Variants in ABR observed in about 807,000 individuals in gnomAD.
The protein encoded by ABR is ABR activator of RhoGEF and GTPase, also known as active breakpoint cluster region-related protein.
Under a neutral mutation model 107.2 loss-of-function variants are expected in ABR, and 35 were observed. The observed-to-expected ratio is 0.33, with a 90% CI of 0.25 to 0.43. The LOEUF (loss-of-function observed/expected upper bound fraction) is 0.43, where lower values mean the gene tolerates loss of function less well. Ranked by LOEUF, ABR falls within the 20% of genes least tolerant of loss-of-function variation. ABR has a pLI of 1.00. For missense variants in ABR, 815 were observed against 1,115.2 expected (o/e 0.73, Z 3.83); for synonymous variants, 498 against 462.0 (o/e 1.08, Z -1.00).
Position 1,078,680 on chromosome 17 carries a change from G to T in ABR, c.700+650C>A. 4 of 923,512 alleles carry T rather than the reference G, an allele frequency of 4.3e-6. No homozygotes were observed. The highest frequency in any genetic ancestry group is 2.5e-5 in the Admixed American group (1 of 39,382). 57.2% of individuals were successfully genotyped at this position (923,512 alleles called of 1,614,324 possible). A position where few individuals can be genotyped will look rare whatever the true frequency, so the allele number is the denominator to read the frequency against. On this transcript the variant is annotated intron_variant, in intron 6 of 22. Coordinates refer to ENST00000302538, the MANE Select transcript of ABR (RefSeq NM_021962.5). This position sits in a 1 kb window ranked among gnomAD's most constrained non-coding sequence, Gnocchi z 7.5. ...GCTGGATGCCGCCAAAACGAAGGGGGAATTCAGGTCCAGCCGCTCGCCCAC... is the reference window on the plus strand; with the variant it reads ...GCTGGATGCCGCCAAAACGAAGGGGTAATTCAGGTCCAGCCGCTCGCCCAC...
At chr17:1,132,630 G>A (rs975962775) in intron 1 of ABR, among the ~76,000 whole-genome samples, 1 of 151,934 alleles carries the variant, frequency 6.6e-6, no homozygotes, top group South Asian at 2.1e-4. Flanking sequence ...ACCCACCTCG[G>A]CCTCCCAAAG....
At chr17:1,194,356 T>TTTTTG (rs1237573833) in intron 1 of ABR, among the ~76,000 whole-genome samples, 2 of 151,484 alleles carry the variant, frequency 1.3e-5, no homozygotes, top group African/African-American at 2.4e-5. Context: ...CCCAGCTATT[T>TTTTTG]TTTTGTTTTG....
rs578069416 is a variant in ABR at position 1,037,678 on chromosome 17, G to A, written c.1791+12372C>T. ...GCCTGCTCCTCCTCCCGGGAAGGAG[G>A]GGGTGTGGCCGGGTCTCCCAGCACA... is the stretch of plus-strand genomic sequence containing the variant. On this transcript the variant is annotated intron_variant, in intron 16 of 22. Coordinates refer to ENST00000302538, the MANE Select transcript of ABR (RefSeq NM_021962.5). The surrounding 1 kb of genome is among the most constrained non-coding windows in gnomAD (Gnocchi z 4.6). Among the ~76,000 whole-genome samples the A allele has an allele frequency of 1.3e-5, 2 of 152,158 alleles. No homozygotes were observed. Among genetic ancestry groups the A allele is most frequent in the Non-Finnish European group, 2.9e-5 (2 of 68,014 alleles).
intron 16 of ABR, among the ~76,000 whole-genome samples, chr17:1,035,333 A>C: frequency 2.7e-5 from 3 of 111,736 alleles, no homozygotes; most frequent in Admixed American, 9.1e-5. Flanking sequence ...TCCATCCCCT[A>C]AACCTGCTCC....
At chr17:1,103,401 T>A (rs931227114) in intron 2 of ABR, among the ~76,000 whole-genome samples, 2 of 152,106 alleles carry the variant, frequency 1.3e-5, no homozygotes, top group African/African-American at 4.8e-5. Context: ...TGGGAACTCA[T>A]CCCCTGTGCT....
chr17:1,110,808 A>G (rs2038629942), intron 2 of ABR, among the ~76,000 whole-genome samples: 1 of 152,192 alleles, frequency 6.6e-6, no homozygotes, highest in African/African-American at 2.4e-5. Context: ...CTGTGCCACC[A>G]GGGTTCAACA....
rs188155784 is a variant in ABR, at chr17:1,227,186, G to A, written c.838+1607C>T. ...AGCGCCGATTTCTAACGTGCATCAA[G>A]GTGCCCTATGTGCTAGAGTGTCCTA... On this transcript the variant is annotated intron_variant, in intron 1 of 22. Coordinates refer to the ABR transcript ENST00000574139. Among the ~76,000 whole-genome samples the A allele has an allele frequency of 5.8e-4, 88 of 152,316 alleles. 1 individual carries two copies. Among genetic ancestry groups the A allele is most frequent in the Middle Eastern group, 3.4e-3 (1 of 294 alleles).
At chr17:1,103,246 C>T (rs867150425) in intron 2 of ABR, among the ~76,000 whole-genome samples, 2 of 152,074 alleles carry the variant, frequency 1.3e-5, no homozygotes, top group African/African-American at 4.8e-5. Context: ...CCTGAGGCAC[C>T]GAGAGTCGGG....
At chr17:1,176,199 C>A (rs140903961) in intron 1 of ABR, among the ~76,000 whole-genome samples, 106 of 152,294 alleles carry the variant, frequency 7.0e-4, no homozygotes, top group African/African-American at 2.5e-3. Flanking sequence ...CCTCAGCTGT[C>A]CCTGCCTGGG....
intron 2 of ABR, among the ~76,000 whole-genome samples, chr17:1,103,839 G>A (rs976697387): frequency 6.6e-6 from 1 of 152,162 alleles, no homozygotes; most frequent in African/African-American, 2.4e-5. Flanking sequence ...GAGACCCGTT[G>A]CTCAGTCACC....
chr17:1,070,016 G>C lies in ABR; in HGVS notation c.969C>G (p.Leu323=). ...TGGCACACAGTAGGACATCTGTAAA[G>C]AGGAAGACGTGCCGCAGCTTCCGGG... ...ESSRKLRHVF[L]FTDVLLCAKL... Residue 323 remains leucine (L), a synonymous_variant, in exon 9 of 23, where the codon CTC becomes CTG. Transcript: ENST00000302538. This position sits in a 1 kb window ranked among gnomAD's most constrained non-coding sequence, Gnocchi z 4.2. 6.2e-7 allele frequency: 1 copy of C among 1,612,546 alleles called. No individual in the cohort carries two copies. The highest frequency in any genetic ancestry group is 8.5e-7 in the Non-Finnish European group (1 of 1,179,370).
upstream of ABR, among the ~76,000 whole-genome samples, chr17:1,187,809 A>T (rs559646433): frequency 2.0e-5 from 3 of 152,040 alleles, no homozygotes; most frequent in South Asian, 2.1e-4. Context: ...CAGGAGAATC[A>T]CTTGAACCTG....
Position 1,218,463 on chromosome 17 carries a change from T to C in ABR, c.838+10330A>G, listed in dbSNP as rs369508453. Among the ~76,000 whole-genome samples, 35 of 152,306 alleles carry C rather than the reference T, an allele frequency of 2.3e-4. No homozygotes were observed. The South Asian group carries it at 7.2e-3, about 32-fold the overall frequency. On this transcript the variant is annotated intron_variant, in intron 1 of 22. Transcript: ENST00000574139. ...ATAGTCTGGAGAGGTTAACAGTTAG[T>C]GGTGAGCTGGAGTAGAGAATAACTT...
At chr17:1,061,290 C>T (rs1270552618) in intron 10 of ABR, among the ~76,000 whole-genome samples, 4 of 152,146 alleles carry the variant, frequency 2.6e-5, no homozygotes, top group Non-Finnish European at 5.9e-5. Context: ...AACAGGCACG[C>T]AGGATGCTCC....
intron 4 of ABR, among the ~76,000 whole-genome samples, chr17:1,087,417 G>T (rs1046671051): frequency 1.3e-5 from 2 of 152,214 alleles, no homozygotes; most frequent in Non-Finnish European, 2.9e-5. Flanking sequence ...GGAGCGGGGG[G>T]CATCTGGAAA....
chr17:1,173,378 C>T (rs543937543), intron 1 of ABR, among the ~76,000 whole-genome samples: 3 of 145,400 alleles, frequency 2.1e-5, no homozygotes, highest in Non-Finnish European at 4.5e-5. Context: ...GCCCACCCCC[C>T]ACACATCACC....
intron 2 of ABR, among the ~76,000 whole-genome samples, chr17:1,107,441 G>A (rs1319490534): frequency 1.3e-5 from 2 of 152,244 alleles, no homozygotes; most frequent in Non-Finnish European, 2.9e-5. Flanking sequence ...GGATATAATT[G>A]CGGAGGCAAA....
Position 1,011,775 on chromosome 17 carries a change from G to A in ABR, c.2101+71C>T. 6.7e-7 allele frequency: 1 copy of A among 1,488,300 alleles called. No individual in the cohort carries two copies. 92.2% of individuals were successfully genotyped at this position (1,488,300 alleles called of 1,614,324 possible). On this transcript the variant is annotated intron_variant, in intron 19 of 22. Coordinates refer to ENST00000302538, the MANE Select transcript of ABR (RefSeq NM_021962.5). This position sits in a 1 kb window ranked among gnomAD's most constrained non-coding sequence, Gnocchi z 4.8. Reference sequence around the variant, plus strand: ...CCAGGGAGGCTCCTGGTTCCCCCGAGCTCTCCTGTCCATCCCACCAGCCTG... The same window carrying A: ...CCAGGGAGGCTCCTGGTTCCCCCGAACTCTCCTGTCCATCCCACCAGCCTG...
chr17:1,099,790 G>A (rs774514243), intron 3 of ABR, among the ~76,000 whole-genome samples: 6 of 152,168 alleles, frequency 3.9e-5, no homozygotes, highest in Non-Finnish European at 7.3e-5. Flanking sequence ...TGTTACCGAG[G>A]GCTGAGCTTG....
Sources: allele counts gnomAD v4.1 joint callset (sites outside exome capture counted in the v4.1 genomes callset), GRCh38; gene constraint gnomAD v4.1.1; non-coding constraint Gnocchi (gnomAD v3.1); transcripts MANE v1.5; gene names NCBI Gene and HGNC (gene_info 2026-07-23, HGNC 2026-07-21).